The following TMEM260 variants were observed in gnomAD, a reference collection of about 807,000 sequenced individuals.
TMEM260 encodes protein O-mannosyl-transferase TMEM260.
A neutral mutation model predicts 88.9 loss-of-function variants in TMEM260; 82 were observed. The ratio of observed to expected loss-of-function variants is 0.92; its 90% CI spans 0.77 to 1.11. The LOEUF is 1.11. Ranked by LOEUF, TMEM260 falls within the 50% of genes least tolerant of loss-of-function variation. The pLI is 0.00. For missense variants in TMEM260, 902 were observed against 853.4 expected (o/e 1.06, Z -0.71); for synonymous variants, 314 against 309.3 (o/e 1.02, Z -0.16).
chr14:56,631,309 C>G (rs1888578729), intron 12 of TMEM260, among the ~76,000 whole-genome samples: 1 of 152,142 alleles, frequency 6.6e-6, no homozygotes. Flanking sequence ...CAGTAGCCTG[C>G]TAGCACTTGG....
At chr14:56,637,117 T>G (rs1230746778) in intron 15 of TMEM260, among the ~76,000 whole-genome samples, 1 of 152,252 alleles carries the variant, frequency 6.6e-6, no homozygotes, top group Admixed American at 6.5e-5. Flanking sequence ...GAGTCTCCTC[T>G]AGAGCCTCCT....
chr14:56,645,916 G>A lies in TMEM260; in HGVS notation c.1870-1327G>A, dbSNP rs555616002. Among the ~76,000 whole-genome samples the A allele has an allele frequency of 3.3e-5, 5 of 152,282 alleles. No homozygotes were observed. In the Middle Eastern group the frequency reaches 0.014, roughly 414 times the overall value. ...GTAGGAGTCTGACAGTAACCTTGAT[G>A]TATATGAAAGTGCATGGTGATTCTT... On this transcript the variant is annotated intron_variant, in intron 15 of 15. Transcript: ENST00000261556.
downstream of TMEM260, among the ~76,000 whole-genome samples, chr14:56,653,692 G>A (rs1036858568): frequency 1.6e-4 from 21 of 132,612 alleles, no homozygotes; most frequent in Non-Finnish European, 2.4e-4. Context: ...CCGAGATCGC[G>A]CCACTGCACT....
At chr14:56,653,603 G>A (rs571079105), downstream of TMEM260, among the ~76,000 whole-genome samples, 1 of 151,606 alleles carries the variant, frequency 6.6e-6, no homozygotes, top group Non-Finnish European at 1.5e-5. Flanking sequence ...GCGAGGTGGT[G>A]CGCACCTTTA....
chr14:56,616,265 A>G, intron 8 of TMEM260: 1 of 373,022 alleles, frequency 2.7e-6, no homozygotes, highest in East Asian at 4.1e-5. Context: ...TTGATGTCCT[A>G]AACTTCAGGT....
chr14:56,638,956 G>A (rs955091917), intron 15 of TMEM260, among the ~76,000 whole-genome samples: 1 of 152,090 alleles, frequency 6.6e-6, no homozygotes, highest in Non-Finnish European at 1.5e-5. Flanking sequence ...CTCAAGATAT[G>A]GTACATGTGA....
chr14:56,658,304 A>G, the TMEM260 span, among the ~76,000 whole-genome samples: 1 of 151,992 alleles, frequency 6.6e-6, no homozygotes, highest in South Asian at 2.1e-4. Flanking sequence ...CTGGAGTGCA[A>G]TGGGGCAATC....
At chr14:56,642,018 G>T (rs766223306) in intron 15 of TMEM260, among the ~76,000 whole-genome samples, 50 of 152,178 alleles carry the variant, frequency 3.3e-4, no homozygotes, top group Admixed American at 5.2e-4. Flanking sequence ...CAAGTCCTTA[G>T]TGACCTGCAA....
chr14:56,585,563 C>T (rs1413227720), intron 2 of TMEM260, 198 bp from the exon 3 acceptor site: 3 of 549,878 alleles, frequency 5.5e-6, no homozygotes, highest in East Asian at 3.0e-5. Flanking sequence ...ATGTGATAGA[C>T]GCTGCCAAAT....
At chr14:56,589,730 T>C (rs986274655) in intron 3 of TMEM260, among the ~76,000 whole-genome samples, 11 of 152,178 alleles carry the variant, frequency 7.2e-5, no homozygotes, top group African/African-American at 2.4e-4. Flanking sequence ...TCATGGATTT[T>C]GTAATTTTAT....
chr14:56,608,857 G>A (rs960786547), intron 5 of TMEM260, among the ~76,000 whole-genome samples: 1 of 152,180 alleles, frequency 6.6e-6, no homozygotes, highest in East Asian at 1.9e-4. Context: ...TGATACTCAT[G>A]AGCCTTTGCT....
At chr14:56,640,989 A>C (rs906638069) in intron 15 of TMEM260, among the ~76,000 whole-genome samples, 1 of 152,208 alleles carries the variant, frequency 6.6e-6, no homozygotes, top group Admixed American at 6.5e-5. Flanking sequence ...ATATGGGACT[A>C]TGTGAAAACA....
chr14:56,639,827 G>A (rs1386600797), intron 15 of TMEM260, among the ~76,000 whole-genome samples: 2 of 152,196 alleles, frequency 1.3e-5, no homozygotes, highest in African/African-American at 4.8e-5. Flanking sequence ...CGGCACACCA[G>A]GAGATTATAT....
Position 56,615,650 on chromosome 14 carries a change from C to T in TMEM260, c.858-294C>T, listed in dbSNP as rs1445081591. On this transcript the variant is annotated intron_variant, in intron 7 of 15. Coordinates refer to ENST00000261556, the MANE Select transcript of TMEM260 (RefSeq NM_017799.4). The stretch of plus-strand genomic sequence containing the variant: ...TCAAACAGCTTCCTACCAAACCAGT[C>T]GGGGATATTCTATACAGTATACCAA... The T allele has an allele frequency of 1.7e-5, 4 of 236,822 alleles. No individual in the cohort carries two copies. In the East Asian group the frequency reaches 3.2e-4, roughly 19 times the overall value. The allele number at this position is 236,822 out of a possible 1,614,324, so 14.7% of individuals were successfully genotyped here.
In TMEM260 at chr14:56,633,017, G is replaced by A; in HGVS notation, c.1570G>A (p.Gly524Arg). Residue 524 changes from glycine (G) to arginine (R), a missense_variant, in exon 13 of 16, where the codon GGA (glycine) becomes AGA (arginine). Physicochemically the swap from Gly to Arg is moderately radical, Grantham distance 125. Transcript: ENST00000261556. Reference protein sequence around the residue: ...NKQKETFVCIGIHEGDPTWKK... With the variant: ...NKQKETFVCIRIHEGDPTWKK... ...CAGAAAAGAAACATTTGTTTGCATA[G>A]GAATTCATGAAGGCGACCCAACCTG... 4 of 1,613,808 alleles carry A rather than the reference G, an allele frequency of 2.5e-6. No homozygotes were observed. Among genetic ancestry groups the A allele is most frequent in the Non-Finnish European group, 3.4e-6 (4 of 1,179,910 alleles).
In TMEM260 at chr14:56,647,492, G is replaced by A. The variant is rs770040002; in HGVS notation, c.2119G>A (p.Val707Ile). Residue 707 changes from valine to isoleucine, a missense_variant, in exon 16 of 16, where the codon GTC (valine) becomes ATC (isoleucine). Coordinates refer to ENST00000261556, the MANE Select transcript of TMEM260 (RefSeq NM_017799.4). ...ELQSLRNRKN[V>I] ...GCAAAGTCTGAGAAATAGGAAAAATGTCTGAGACAGCAAAATATGAAAAAC... is the reference window on the plus strand; with the variant it reads ...GCAAAGTCTGAGAAATAGGAAAAATATCTGAGACAGCAAAATATGAAAAAC... The A allele has an allele frequency of 2.5e-6, 4 of 1,585,696 alleles. No homozygotes were observed. The highest frequency in any genetic ancestry group is 2.3e-5 in the South Asian group (2 of 86,274).
chr14:56,593,909 G>A (rs866230863), intron 3 of TMEM260, among the ~76,000 whole-genome samples: 40 of 151,068 alleles, frequency 2.6e-4, no homozygotes, highest in African/African-American at 9.2e-4. Flanking sequence ...GGATGGTCTC[G>A]ATCTCCTGAC....
chr14:56,604,371 GCCAAAA>G (rs1204607368), intron 4 of TMEM260, among the ~76,000 whole-genome samples: 1 of 152,058 alleles, frequency 6.6e-6, no homozygotes, highest in Non-Finnish European at 1.5e-5. Flanking sequence ...CTCCTTAATT[GCCAAAA>G]AAGGTCAAAT....
chr14:56,609,099 G>A lies in TMEM260; in HGVS notation c.637-7G>A. The A allele has an allele frequency of 6.2e-7, 1 of 1,613,684 alleles. No individual in the cohort carries two copies. Among genetic ancestry groups the A allele is most frequent in the Non-Finnish European group, 8.5e-7 (1 of 1,179,750 alleles). ...ATTGTTATACCACCCAATGTGCTCT[G>A]ATGCAGGAACTCTCCCTGGGCTCTT... On this transcript the variant is annotated splice_region_variant and splice_polypyrimidine_tract_variant and intron_variant, in intron 5 of 15. Coordinates refer to ENST00000261556, the MANE Select transcript of TMEM260 (RefSeq NM_017799.4).
Sources: gnomAD v4.1 joint callset for allele counts (sites outside exome capture counted in the v4.1 genomes callset) on GRCh38, gnomAD v4.1.1 for gene constraint, MANE v1.5 for transcripts, NCBI Gene and HGNC (gene_info 2026-07-23, HGNC 2026-07-21) for gene names.